The following NALF1 variants were observed in gnomAD, a reference collection of about 807,000 sequenced individuals.
The protein encoded by NALF1 is family with sequence similarity 155 member A.
In NALF1, 3 loss-of-function variants were observed where a neutral mutation model predicts 48.4. The observed-to-expected ratio is 0.06, with a 90% CI of 0.03 to 0.16. The LOEUF is 0.16. Among genes scored for constraint, NALF1 ranks in the 10% least tolerant of loss-of-function variants. NALF1 has a pLI of 1.00. For synonymous variants in NALF1, 262 were observed against 245.7 expected (o/e 1.07, Z -0.62); for missense variants, 526 against 571.5 (o/e 0.92, Z 0.81).
At chr13:107,451,744 C>T (rs1380279044) in intron 1 of NALF1, among the ~76,000 whole-genome samples, 9 of 152,302 alleles carry the variant, frequency 5.9e-5, no homozygotes, top group East Asian at 1.9e-4. Flanking sequence ...CATTGCACAT[C>T]GCTCTATCCA....
At chr13:107,717,488 AGAG>A (rs924036407) in intron 1 of NALF1, among the ~76,000 whole-genome samples, 1 of 152,150 alleles carries the variant, frequency 6.6e-6, no homozygotes. Flanking sequence ...TAAAAGTGAA[AGAG>A]GAGAAGTCGA....
chr13:107,436,792 T>C (rs1028250228), intron 1 of NALF1, among the ~76,000 whole-genome samples: 3 of 152,132 alleles, frequency 2.0e-5, no homozygotes, highest in Non-Finnish European at 4.4e-5. Context: ...AAAACTGTAT[T>C]TGCAGATGAC....
chr13:107,741,554 C>T (rs1028279265), intron 1 of NALF1, among the ~76,000 whole-genome samples: 2 of 151,696 alleles, frequency 1.3e-5, no homozygotes, highest in African/African-American at 2.4e-5. Flanking sequence ...GTACTATAAA[C>T]GGGAAGAGAA....
chr13:107,218,113 G>T (rs914515786), intron 1 of NALF1, among the ~76,000 whole-genome samples: 8 of 152,040 alleles, frequency 5.3e-5, no homozygotes, highest in African/African-American at 1.9e-4. Context: ...CAGGTCACTC[G>T]ATGTGCAGCG....
chr13:107,185,623 CT>C (rs1296385463), intron 2 of NALF1, among the ~76,000 whole-genome samples: 1 of 152,090 alleles, frequency 6.6e-6, no homozygotes, highest in East Asian at 1.9e-4. Context: ...TCCAATAACT[CT>C]TTTGTTTGAC....
At chr13:107,368,303 G>T (rs1252837843) in intron 1 of NALF1, among the ~76,000 whole-genome samples, 1 of 149,040 alleles carries the variant, frequency 6.7e-6, no homozygotes, top group African/African-American at 2.5e-5. Flanking sequence ...AACTTGCAAA[G>T]ATAAATCACA....
At chr13:107,479,516 C>T (rs749220685) in intron 1 of NALF1, among the ~76,000 whole-genome samples, 23 of 152,098 alleles carry the variant, frequency 1.5e-4, no homozygotes, top group Non-Finnish European at 1.6e-4. Context: ...GTTGCTGGCA[C>T]ATAACCTATA....
chr13:107,179,084 G>A (rs141800302), intron 2 of NALF1, among the ~76,000 whole-genome samples: 11 of 152,270 alleles, frequency 7.2e-5, no homozygotes, highest in African/African-American at 2.2e-4. Context: ...GGCACTATTC[G>A]CAATAGCCAA....
chr13:107,827,741 ACT>A (rs1173430825), intron 1 of NALF1, among the ~76,000 whole-genome samples: 25 of 152,286 alleles, frequency 1.6e-4, no homozygotes, highest in Admixed American at 5.9e-4. Context: ...TATTAAAAAC[ACT>A]CTGCTTTATT....
Position 107,250,412 on chromosome 13 carries a change from A to AT in NALF1, c.916-39658dup, listed in dbSNP as rs369977564. Among the ~76,000 whole-genome samples the AT allele has an allele frequency of 1.5e-3, 227 of 151,212 alleles. 2 individuals are homozygous for AT. The highest frequency in any genetic ancestry group is 5.0e-3 in the African/African-American group (207 of 41,194). ...TCAGCTATAGTGACATGAATTATTA[A>AT]TTTTTTTTTTAAACAAAGGTATTAG... On this transcript the variant is annotated intron_variant, in intron 1 of 2. Coordinates refer to ENST00000375915, the MANE Select transcript of NALF1 (RefSeq NM_001080396.3).
intron 1 of NALF1, among the ~76,000 whole-genome samples, chr13:107,514,946 A>G (rs913958753): frequency 6.6e-6 from 1 of 152,216 alleles, no homozygotes; most frequent in Admixed American, 6.5e-5. Context: ...TATTTATCCT[A>G]CAATTCCTAT....
At chr13:107,751,223 A>G (rs1876929188) in intron 1 of NALF1, among the ~76,000 whole-genome samples, 1 of 152,228 alleles carries the variant, frequency 6.6e-6, no homozygotes. Flanking sequence ...GACTCACAAC[A>G]AAACATCCAA....
At chr13:107,202,243 G>T (rs1269672705) in intron 2 of NALF1, among the ~76,000 whole-genome samples, 1 of 151,522 alleles carries the variant, frequency 6.6e-6, no homozygotes, top group Non-Finnish European at 1.5e-5. Context: ...TTGGTCTTCA[G>T]TTTTTAAACC....
chr13:107,782,179 G>C (rs566639035), intron 1 of NALF1, among the ~76,000 whole-genome samples: 2 of 152,248 alleles, frequency 1.3e-5, no homozygotes, highest in South Asian at 2.1e-4. Context: ...TCAGCCTGCC[G>C]AGTGCCTGCG....
intron 1 of NALF1, among the ~76,000 whole-genome samples, chr13:107,267,888 C>T (rs941788044): frequency 1.3e-5 from 2 of 151,974 alleles, no homozygotes; most frequent in Non-Finnish European, 2.9e-5. Context: ...GGAGGATTCA[C>T]GTCTCGGGCA....
chr13:107,290,482 G>T (rs1268179309), intron 1 of NALF1, among the ~76,000 whole-genome samples: 1 of 152,070 alleles, frequency 6.6e-6, no homozygotes, highest in East Asian at 1.9e-4. Flanking sequence ...AGTCTCACAA[G>T]ATCTGATGAT....
At chr13:107,823,669 G>A (rs1879424319) in intron 1 of NALF1, among the ~76,000 whole-genome samples, 1 of 152,140 alleles carries the variant, frequency 6.6e-6, no homozygotes, top group Admixed American at 6.6e-5. Context: ...TCTTCAAAGA[G>A]GCCTTCTGTG....
intron 1 of NALF1, among the ~76,000 whole-genome samples, chr13:107,742,383 A>G (rs530230107): frequency 7.2e-5 from 11 of 152,144 alleles, no homozygotes; most frequent in African/African-American, 2.4e-4. Flanking sequence ...CATAATCCCC[A>G]TGTGTCCTGG....
At chr13:107,791,822 T>C (rs1277380572) in intron 1 of NALF1, among the ~76,000 whole-genome samples, 1 of 147,700 alleles carries the variant, frequency 6.8e-6, no homozygotes, top group African/African-American at 2.5e-5. Flanking sequence ...TAGCCAAGAG[T>C]GGTGGCGGGT....
Sources: gnomAD v4.1 joint callset for allele counts (sites outside exome capture counted in the v4.1 genomes callset) on GRCh38, gnomAD v4.1.1 for gene constraint, MANE v1.5 for transcripts, NCBI Gene and HGNC (gene_info 2026-07-23, HGNC 2026-07-21) for gene names.